SESN3: variants seen among roughly 807,000 people sequenced by gnomAD.
SESN3 encodes sestrin-3.
A neutral mutation model predicts 55.3 loss-of-function variants in SESN3; 21 were observed. That is an observed-to-expected ratio of 0.38 (90% CI 0.27 to 0.55). The LOEUF (loss-of-function observed/expected upper bound fraction) is 0.55. SESN3 is among the 20% of genes least tolerant of loss of function. The pLI is 0.76. For missense variants in SESN3, 408 were observed against 604.3 expected (o/e 0.68, Z 3.41); for synonymous variants, 181 against 203.1 (o/e 0.89, Z 0.93).
intron 9 of SESN3, among the ~76,000 whole-genome samples, chr11:95,173,928 A>G (rs983066804): frequency 5.9e-5 from 9 of 152,130 alleles, no homozygotes; most frequent in Non-Finnish European, 1.3e-4. Context: ...CAAGTTTTCA[A>G]AATTTACTAT....
At chr11:95,199,076 TAA>T (rs1400430592) in intron 1 of SESN3, among the ~76,000 whole-genome samples, 1 of 151,916 alleles carries the variant, frequency 6.6e-6, no homozygotes, top group Non-Finnish European at 1.5e-5. Context: ...AATCACTAAC[TAA>T]AAAGAATGAA....
At chr11:95,228,767 G>T (rs1183879102) in intron 1 of SESN3, among the ~76,000 whole-genome samples, 1 of 152,144 alleles carries the variant, frequency 6.6e-6, no homozygotes, top group Non-Finnish European at 1.5e-5. Context: ...CTAAAAACTG[G>T]AATACTGGCA....
At chr11:95,218,624 C>G (rs1306145477) in intron 1 of SESN3, among the ~76,000 whole-genome samples, 19 of 150,200 alleles carry the variant, frequency 1.3e-4, no homozygotes, top group African/African-American at 4.7e-4. Flanking sequence ...ACATTCCCAT[C>G]TACCTAAACA....
chr11:95,195,857 G>A (rs1270073196), intron 1 of SESN3, among the ~76,000 whole-genome samples: 1 of 152,204 alleles, frequency 6.6e-6, no homozygotes. Context: ...CATCGGCTGA[G>A]AAAATGTCCA....
chr11:95,212,259 T>A (rs947736512), intron 1 of SESN3, among the ~76,000 whole-genome samples: 1 of 152,132 alleles, frequency 6.6e-6, no homozygotes, highest in East Asian at 1.9e-4. Context: ...CATAATAATC[T>A]ATTAACCTCT....
At chr11:95,214,984 T>C (rs1157951522) in intron 1 of SESN3, among the ~76,000 whole-genome samples, 1 of 152,166 alleles carries the variant, frequency 6.6e-6, no homozygotes, top group Non-Finnish European at 1.5e-5. Context: ...TGAGAGCATA[T>C]TATATCTGAA....
intron 6 of SESN3, among the ~76,000 whole-genome samples, chr11:95,183,775 T>C (rs948229095): frequency 1.3e-5 from 2 of 152,128 alleles, no homozygotes; most frequent in African/African-American, 4.8e-5. Flanking sequence ...TCATTTACTA[T>C]GTGGTGTTCA....
chr11:95,217,678 T>A (rs1381461396), intron 1 of SESN3, among the ~76,000 whole-genome samples: 1 of 151,084 alleles, frequency 6.6e-6, no homozygotes, highest in Non-Finnish European at 1.5e-5. Context: ...AGCTTAATTG[T>A]CAATCCTCAT....
chr11:95,201,836 T>A (rs1039324472), intron 1 of SESN3, among the ~76,000 whole-genome samples: 2 of 152,198 alleles, frequency 1.3e-5, no homozygotes, highest in Middle Eastern at 6.8e-3. Flanking sequence ...CAGAGTGATG[T>A]AAATCAAAGC....
At chr11:95,202,084 A>T (rs76770474) in intron 1 of SESN3, among the ~76,000 whole-genome samples, 1,572 of 151,984 alleles carry the variant, frequency 0.01, 35 homozygotes, top group African/African-American at 0.036. Flanking sequence ...TTAAATTTAT[A>T]TTTCTTAAGG....
intron 6 of SESN3, among the ~76,000 whole-genome samples, chr11:95,182,697 T>TATTTTACATATTTCTTA (rs1438820894): frequency 3.9e-5 from 6 of 152,276 alleles, no homozygotes; most frequent in Admixed American, 3.9e-4. Flanking sequence ...CAAAATACGG[T>TATTTTACATATTTCTTA]AGGTTACATA....
intron 1 of SESN3, among the ~76,000 whole-genome samples, chr11:95,225,661 T>A (rs771980714): frequency 2.6e-5 from 4 of 152,190 alleles, no homozygotes; most frequent in Non-Finnish European, 4.4e-5. Flanking sequence ...TCAACTGAAA[T>A]AATGTGAAAG....
intron 1 of SESN3, among the ~76,000 whole-genome samples, chr11:95,200,133 AT>A (rs1860434776): frequency 1.3e-5 from 2 of 152,242 alleles, no homozygotes; most frequent in African/African-American, 4.8e-5. Context: ...TAGATGTTCC[AT>A]TTTGGCAGAA....
At chr11:95,210,733 T>C (rs1487894514) in intron 1 of SESN3, among the ~76,000 whole-genome samples, 1 of 152,200 alleles carries the variant, frequency 6.6e-6, no homozygotes, top group Non-Finnish European at 1.5e-5. Flanking sequence ...AAGAAACTTA[T>C]TATTCCAATA....
Position 95,170,174 on chromosome 11 carries a change from G to A in SESN3, c.*3081C>T, listed in dbSNP as rs772878782. 5.3e-5 allele frequency: 8 copies of A among 152,148 alleles called. No individual in the cohort carries two copies. Among genetic ancestry groups the A allele is most frequent in the East Asian group, 1.9e-4 (1 of 5,198 alleles). 9.4% of individuals were successfully genotyped at this position (152,148 alleles called of 1,614,324 possible). A position where few individuals can be genotyped will look rare whatever the true frequency, so the allele number is the denominator to read the frequency against. ...TCATATATCCACCTGAGGAAGCCTC[G>A]TCTGAAGAAGCCAGTGAGGCACCTG... On this transcript the variant is annotated 3_prime_UTR_variant, in exon 10 of 10. Transcript: ENST00000536441.
rs142497474 is a variant in SESN3 at position 95,182,625 on chromosome 11, A to G, written c.937+1795T>C. On this transcript the variant is annotated intron_variant, in intron 6 of 9. Coordinates refer to ENST00000536441, the MANE Select transcript of SESN3 (RefSeq NM_144665.4). ...AGTGACTCATGAACACTGAAGTTTG[A>G]GAAGTGCTGTGCAAGACATTTCCAG... is the stretch of plus-strand genomic sequence containing the variant. 1.0e-3 allele frequency among the ~76,000 whole-genome samples: 157 copies of G among 152,334 alleles called. 4 individuals carry two copies. In the East Asian group the frequency reaches 0.024, roughly 23 times the overall value.
At chr11:95,195,085 G>A (rs1169831888) in intron 1 of SESN3, among the ~76,000 whole-genome samples, 5 of 151,950 alleles carry the variant, frequency 3.3e-5, no homozygotes, top group Admixed American at 6.6e-5. Flanking sequence ...GAGATAAATC[G>A]AAATCTTTAA....
intron 9 of SESN3, 54 bp from the exon 10 acceptor site, chr11:95,173,395 T>C: frequency 1.8e-6 from 2 of 1,123,772 alleles, no homozygotes; most frequent in Admixed American, 1.8e-5. Context: ...CTGGAAAATC[T>C]TATTAGACAT....
chr11:95,193,881 T>G (rs911041981), intron 1 of SESN3, among the ~76,000 whole-genome samples: 1 of 152,078 alleles, frequency 6.6e-6, no homozygotes, highest in African/African-American at 2.4e-5. Flanking sequence ...ATTTGAAAAC[T>G]AAATAAAAGG....
Sources: allele counts gnomAD v4.1 joint callset (sites outside exome capture counted in the v4.1 genomes callset), GRCh38; gene constraint gnomAD v4.1.1; transcripts MANE v1.5; gene names NCBI Gene and HGNC (gene_info 2026-07-23, HGNC 2026-07-21).